AGBL1: variants seen among roughly 807,000 people sequenced by gnomAD.
AGBL1 encodes the protein cytosolic carboxypeptidase 4.
Under a neutral mutation model 118.9 loss-of-function variants are expected in AGBL1, and 130 were observed. That is an observed-to-expected ratio of 1.09 (90% CI 0.95 to 1.26). The LOEUF is 1.26. Ranked by LOEUF, AGBL1 falls within the 50% of genes most tolerant of loss-of-function variation. The pLI, the probability that AGBL1 is intolerant of heterozygous loss-of-function variation, is 0.00. For missense variants in AGBL1, 1,584 were observed against 1,298.1 expected, an observed-to-expected ratio of 1.22 and a Z score of -3.38; for synonymous variants, 555 against 478.9, an observed-to-expected ratio of 1.16 and a Z score of -2.08.
At chr15:86,218,289 T>A (rs2078222184) in intron 5 of AGBL1, among the ~76,000 whole-genome samples, 1 of 151,812 alleles carries the variant, frequency 6.6e-6, no homozygotes, top group Non-Finnish European at 1.5e-5. Context: ...GCAGGTGGTG[T>A]TAAGGGTGCA....
intron 21 of AGBL1, among the ~76,000 whole-genome samples, chr15:86,658,824 C>A (rs1275031251): frequency 5.3e-5 from 8 of 152,030 alleles, no homozygotes; most frequent in African/African-American, 1.9e-4. Context: ...AACGTGGTCA[C>A]AGAAACACTA....
At chr15:86,525,619 A>G (rs546091218) in intron 19 of AGBL1, among the ~76,000 whole-genome samples, 3 of 152,130 alleles carry the variant, frequency 2.0e-5, no homozygotes, top group Non-Finnish European at 4.4e-5. Flanking sequence ...AGTAGAAAAA[A>G]TATATATTCA....
intron 19 of AGBL1, among the ~76,000 whole-genome samples, chr15:86,535,156 A>G (rs908423073): frequency 4.6e-5 from 7 of 152,228 alleles, no homozygotes; most frequent in Non-Finnish European, 1.0e-4. Context: ...CAGTTTTCCC[A>G]GGAAAGAGCA....
chr15:86,236,716 G>T (rs1343223843), intron 6 of AGBL1, among the ~76,000 whole-genome samples: 1 of 151,898 alleles, frequency 6.6e-6, no homozygotes, highest in African/African-American at 2.4e-5. Flanking sequence ...GAGACAGAGG[G>T]AGGGGGGCTC....
At chr15:86,648,992 T>C (rs1417372945) in intron 21 of AGBL1, among the ~76,000 whole-genome samples, 1 of 151,808 alleles carries the variant, frequency 6.6e-6, no homozygotes, top group Non-Finnish European at 1.5e-5. Context: ...GAAGGAAGAG[T>C]GATATGAAGA....
At chr15:86,817,642 CACACAG>C (rs1313209296) in intron 22 of AGBL1, among the ~76,000 whole-genome samples, 2 of 146,372 alleles carry the variant, frequency 1.4e-5, no homozygotes, top group Admixed American at 6.9e-5. Context: ...CACACACACA[CACACAG>C]ACACACACAC....
At chr15:86,501,090 C>CAATTTAAGGAA (rs1318124903) in intron 18 of AGBL1, among the ~76,000 whole-genome samples, 1,666 of 151,762 alleles carry the variant, frequency 0.011, 20 homozygotes, top group African/African-American at 0.037. Context: ...GAACTACAAA[C>CAATTTAAGGAA]CTACTTCAAA....
intron 23 of AGBL1, among the ~76,000 whole-genome samples, chr15:86,968,231 A>G (rs2081073892): frequency 6.6e-6 from 1 of 151,794 alleles, no homozygotes; most frequent in Non-Finnish European, 1.5e-5. Flanking sequence ...ACCTCCTCAA[A>G]TGATTACCAT....
intron 23 of AGBL1, among the ~76,000 whole-genome samples, chr15:86,961,012 A>G (rs1272513683): frequency 2.0e-5 from 3 of 152,080 alleles, no homozygotes; most frequent in Non-Finnish European, 4.4e-5. Flanking sequence ...GACTTAATGT[A>G]AAGCATGATG....
chr15:86,482,858 C>T (rs530322823), intron 18 of AGBL1, among the ~76,000 whole-genome samples: 1 of 151,960 alleles, frequency 6.6e-6, no homozygotes, highest in South Asian at 2.1e-4. Context: ...AAGTATGTCT[C>T]ATTATGTCAG....
intron 22 of AGBL1, among the ~76,000 whole-genome samples, chr15:86,811,556 T>C (rs1297476752): frequency 6.6e-6 from 1 of 152,158 alleles, no homozygotes; most frequent in Non-Finnish European, 1.5e-5. Flanking sequence ...TGTAAAGAGC[T>C]CTCCCAACTC....
chr15:86,868,650 C>G (rs1314352077), intron 22 of AGBL1, among the ~76,000 whole-genome samples: 1 of 152,170 alleles, frequency 6.6e-6, no homozygotes, highest in Non-Finnish European at 1.5e-5. Flanking sequence ...TCTAGAACGA[C>G]ATTAAACTGA....
chr15:86,453,311 C>T (rs2082218376), intron 18 of AGBL1, among the ~76,000 whole-genome samples: 1 of 152,198 alleles, frequency 6.6e-6, no homozygotes, highest in South Asian at 2.1e-4. Flanking sequence ...TTCATATTCC[C>T]TTCTCTACAG....
intron 22 of AGBL1, among the ~76,000 whole-genome samples, chr15:86,850,078 A>G (rs533904008): frequency 4.5e-4 from 69 of 152,258 alleles, no homozygotes; most frequent in Non-Finnish European, 8.1e-4. Flanking sequence ...GTGTTGCTCA[A>G]TCTCCCTCAA....
chr15:86,600,518 C>A (rs1273674801), intron 21 of AGBL1, among the ~76,000 whole-genome samples: 1 of 152,128 alleles, frequency 6.6e-6, no homozygotes, highest in Non-Finnish European at 1.5e-5. Flanking sequence ...TCTGTGTATA[C>A]CTCCTAGACT....
At chr15:86,563,712 T>C (rs1041127748) in intron 21 of AGBL1, among the ~76,000 whole-genome samples, 1 of 152,132 alleles carries the variant, frequency 6.6e-6, no homozygotes, top group Non-Finnish European at 1.5e-5. Flanking sequence ...TGTTGGTCTG[T>C]CTAATGTTGA....
Position 86,748,492 on chromosome 15 carries a change from C to A in AGBL1, c.3158+74056C>A, listed in dbSNP as rs568713054. 6.8e-3 allele frequency among the ~76,000 whole-genome samples: 645 copies of A among 94,714 alleles called. 7 individuals are homozygous for A. The highest frequency in any genetic ancestry group is 0.025 in the Middle Eastern group (3 of 122). 62.1% of individuals were successfully genotyped at this position (94,714 alleles called of 152,430 possible). ...CAGAAGCTCTTTAGTTGAATTAGAT[C>A]CCATTTGTCAATTTTGGCTTTTTTT... On this transcript the variant is annotated intron_variant, in intron 22 of 22. Transcript: ENST00000614907.
chr15:86,811,605 T>G (rs16978017), intron 22 of AGBL1, among the ~76,000 whole-genome samples: 6,632 of 152,278 alleles, frequency 0.044, 312 homozygotes, highest in East Asian at 0.12. Context: ...TATTTAAGAC[T>G]GTGATACTTC....
intron 24 of AGBL1, among the ~76,000 whole-genome samples, chr15:86,998,379 A>C (rs985608344): frequency 1.1e-4 from 17 of 152,162 alleles, no homozygotes; most frequent in African/African-American, 3.9e-4. Context: ...GCAGCCATCT[A>C]GAAATTGAGG....
Sources: gnomAD v4.1 joint callset for allele counts (sites outside exome capture counted in the v4.1 genomes callset) on GRCh38, gnomAD v4.1.1 for gene constraint, MANE v1.5 for transcripts, NCBI Gene and HGNC (gene_info 2026-07-23, HGNC 2026-07-21) for gene names.